FOXP1: variants seen among roughly 807,000 people sequenced by gnomAD.
FOXP1 encodes forkhead box protein P1.
In FOXP1, 15 loss-of-function variants were observed where a neutral mutation model predicts 98.2. That is an observed-to-expected ratio of 0.15 (90% confidence interval 0.10 to 0.24). FOXP1 has a LOEUF of 0.24. FOXP1 is among the 10% of genes least tolerant of loss of function. The pLI is 1.00. For missense variants in FOXP1, 633 were observed against 848.5 expected, an observed-to-expected ratio of 0.75 and a Z score of 3.15; for synonymous variants, 371 against 314.5, an observed-to-expected ratio of 1.18 and a Z score of -1.90.
chr3:71,418,510 A>C (rs1483985228), intron 3 of FOXP1, among the ~76,000 whole-genome samples: 1 of 152,242 alleles, frequency 6.6e-6, no homozygotes, highest in African/African-American at 2.4e-5. Flanking sequence ...TTTGTTTCCT[A>C]TAATAATTCA....
chr3:70,972,954 G>A (rs1488507046), intron 17 of FOXP1, among the ~76,000 whole-genome samples: 1 of 152,082 alleles, frequency 6.6e-6, no homozygotes, highest in Non-Finnish European at 1.5e-5. Flanking sequence ...CCCAAAATAG[G>A]TTCCAGAGTA....
At chr3:71,578,693 A>G (rs2047915367) in intron 2 of FOXP1, among the ~76,000 whole-genome samples, 2 of 152,220 alleles carry the variant, frequency 1.3e-5, no homozygotes, top group African/African-American at 2.4e-5. Flanking sequence ...CAATATAAAT[A>G]TATTTGAAAA....
rs57264438 is a variant in FOXP1, at chr3:71,282,023, C to T, written c.-12+17797G>A. Among the ~76,000 whole-genome samples the T allele has an allele frequency of 6.3e-4, 96 of 151,724 alleles. No individual in the cohort carries two copies. The East Asian group carries it at 0.018, about 29-fold the overall frequency. On this transcript the variant is annotated intron_variant, in intron 5 of 20. Coordinates refer to ENST00000649528, the MANE Select transcript of FOXP1 (RefSeq NM_001349338.3). ...CTCAAGAGGCTGAGAGGGGAAGACT[C>T]GCTTGAACCCAGGAGGCGGAGGGTG...
chr3:71,170,869 C>T (rs1323482123), intron 6 of FOXP1, among the ~76,000 whole-genome samples: 1 of 152,172 alleles, frequency 6.6e-6, no homozygotes, highest in East Asian at 1.9e-4. Context: ...CTCTGAGCTC[C>T]AGCCACAATG....
chr3:71,084,074 G>C (rs982053115), intron 7 of FOXP1, among the ~76,000 whole-genome samples: 1 of 151,968 alleles, frequency 6.6e-6, no homozygotes, highest in Non-Finnish European at 1.5e-5. Context: ...AACTGTACAC[G>C]GCCTGTCCCA....
intron 7 of FOXP1, among the ~76,000 whole-genome samples, chr3:71,063,945 A>G (rs1947150): frequency 0.15 from 22,106 of 152,124 alleles, 2,249 homozygotes; most frequent in East Asian, 0.51. Context: ...TGGGGAGGAG[A>G]GGGGTAAAAA....
chr3:71,248,740 CAAAA>C (rs34053081), intron 5 of FOXP1, among the ~76,000 whole-genome samples: 20 of 138,482 alleles, frequency 1.4e-4, no homozygotes, highest in African/African-American at 1.6e-4. Flanking sequence ...GACGTCATCT[CAAAA>C]AAAAAAAAAA....
chr3:71,046,057 TTC>T (rs2048996221), intron 10 of FOXP1, among the ~76,000 whole-genome samples: 1 of 152,154 alleles, frequency 6.6e-6, no homozygotes, highest in South Asian at 2.1e-4. Context: ...ACTTTCTACT[TTC>T]TCTTTCCTTC....
At chr3:71,332,124 C>G (rs1395278714) in intron 4 of FOXP1, 1 of 152,290 alleles carries the variant, frequency 6.6e-6, no homozygotes, top group Non-Finnish European at 1.5e-5. Flanking sequence ...TGTTCTTTCG[C>G]TGTTTGCAAT....
At chr3:71,333,438 G>C (rs2076469461) in intron 4 of FOXP1, 1 of 152,116 alleles carries the variant, frequency 6.6e-6, no homozygotes, top group Admixed American at 6.5e-5. Context: ...CAAAATGAAA[G>C]CATTTATCAG....
intron 6 of FOXP1, among the ~76,000 whole-genome samples, chr3:71,163,556 A>T (rs973293690): frequency 1.8e-4 from 28 of 152,218 alleles, no homozygotes; most frequent in African/African-American, 6.5e-4. Context: ...CAATCTCTGC[A>T]GCATTATCAA....
intron 3 of FOXP1, among the ~76,000 whole-genome samples, chr3:71,414,234 T>C (rs2083021427): frequency 6.6e-6 from 1 of 152,250 alleles, no homozygotes; most frequent in Non-Finnish European, 1.5e-5. Context: ...GGGGATTTCC[T>C]GTTTCCAGGC....
At chr3:71,285,253 C>T (rs955156373) in intron 5 of FOXP1, among the ~76,000 whole-genome samples, 14 of 152,160 alleles carry the variant, frequency 9.2e-5, no homozygotes, top group African/African-American at 1.7e-4. Flanking sequence ...TGGCAAAACA[C>T]GTCACATAGG....
At chr3:71,082,480 G>T (rs1423064868) in intron 7 of FOXP1, among the ~76,000 whole-genome samples, 2 of 150,890 alleles carry the variant, frequency 1.3e-5, no homozygotes, top group Non-Finnish European at 3.0e-5. Context: ...CTGTCAGGGG[G>T]TGGGGGGTAG....
At chr3:71,218,067 G>A (rs1475952165) in intron 5 of FOXP1, among the ~76,000 whole-genome samples, 1 of 152,122 alleles carries the variant, frequency 6.6e-6, no homozygotes, top group African/African-American at 2.4e-5. Context: ...TATTACTAAT[G>A]AGCGGAGGTG....
intron 4 of FOXP1, among the ~76,000 whole-genome samples, chr3:71,342,637 G>A (rs2077077559): frequency 6.6e-6 from 1 of 151,596 alleles, no homozygotes; most frequent in Non-Finnish European, 1.5e-5. Flanking sequence ...AGGCTGCAGT[G>A]AGCCGAGATC....
chr3:70,988,236 C>T (rs949577280), intron 13 of FOXP1, among the ~76,000 whole-genome samples, 159 bp from the exon 14 acceptor site: 1 of 152,148 alleles, frequency 6.6e-6, no homozygotes, highest in African/African-American at 2.4e-5. Flanking sequence ...TTGCCAAACT[C>T]GAAGTAACCG....
intron 10 of FOXP1, among the ~76,000 whole-genome samples, chr3:71,043,137 T>C (rs549118926): frequency 6.6e-6 from 1 of 152,198 alleles, no homozygotes; most frequent in African/African-American, 2.4e-5. Flanking sequence ...AATGTTCAAA[T>C]GCTCAAGCAT....
At chr3:71,430,687 C>T (rs34911413) in intron 3 of FOXP1, among the ~76,000 whole-genome samples, 12,839 of 152,214 alleles carry the variant, frequency 0.084, 744 homozygotes, top group African/African-American at 0.16. Context: ...CCAGACTTAT[C>T]CCTAAAAGAG....
Sources: gnomAD v4.1 joint callset for allele counts (sites outside exome capture counted in the v4.1 genomes callset) on GRCh38, gnomAD v4.1.1 for gene constraint, MANE v1.5 for transcripts, NCBI Gene and HGNC (gene_info 2026-07-23, HGNC 2026-07-21) for gene names.